PHKB: variants seen among roughly 807,000 people sequenced by gnomAD.
PHKB encodes phosphorylase kinase regulatory subunit beta.
PHKB carries 122 observed loss-of-function variants against 152.1 expected under a neutral mutation model. The ratio of observed to expected loss-of-function variants is 0.80; its 90% CI spans 0.69 to 0.93. The LOEUF is 0.93. Ranked by LOEUF, PHKB falls within the 40% of genes least tolerant of loss-of-function variation. The pLI is 0.00. For missense variants in PHKB, 1,304 were observed against 1,328.4 expected (o/e 0.98, Z 0.29); for synonymous variants, 436 against 464.9 (o/e 0.94, Z 0.80).
chr16:47,479,114 A>G (rs1257972287), intron 1 of PHKB, among the ~76,000 whole-genome samples: 1 of 152,156 alleles, frequency 6.6e-6, no homozygotes, highest in East Asian at 1.9e-4. Context: ...TCAATCATTG[A>G]CTGTCGGGGG....
intron 1 of PHKB, among the ~76,000 whole-genome samples, chr16:47,474,687 G>T (rs1969838060): frequency 6.6e-6 from 1 of 151,720 alleles, no homozygotes; most frequent in African/African-American, 2.4e-5. Context: ...ATGTCAAAAA[G>T]AATTAGCTTG....
chr16:47,575,947 A>G (rs1237845605), intron 7 of PHKB, among the ~76,000 whole-genome samples: 1 of 152,090 alleles, frequency 6.6e-6, no homozygotes, highest in African/African-American at 2.4e-5. Context: ...GTGGTGGTGC[A>G]TGCCTGTACT....
intron 26 of PHKB, among the ~76,000 whole-genome samples, chr16:47,672,190 G>T (rs1399660701): frequency 6.6e-6 from 1 of 151,948 alleles, no homozygotes; most frequent in African/African-American, 2.4e-5. Context: ...TCTTTTGATT[G>T]AAAGTAAATT....
chr16:47,661,126 C>T (rs1397104875), intron 22 of PHKB, among the ~76,000 whole-genome samples: 1 of 152,152 alleles, frequency 6.6e-6, no homozygotes, highest in Admixed American at 6.5e-5. Flanking sequence ...TTTCAGTGCC[C>T]TCTTTCTCCC....
At chr16:47,537,872 TTC>T (rs34841624) in intron 6 of PHKB, among the ~76,000 whole-genome samples, 572 of 142,420 alleles carry the variant, frequency 4.0e-3, no homozygotes, top group Middle Eastern at 7.3e-3. Context: ...ACGTGGAAAA[TTC>T]TCTCTCTCTC....
At chr16:47,642,871 A>G (rs978073781) in intron 16 of PHKB, among the ~76,000 whole-genome samples, 1 of 152,182 alleles carries the variant, frequency 6.6e-6, no homozygotes. Context: ...TCACGCCCAG[A>G]TGTACATAAT....
intron 8 of PHKB, among the ~76,000 whole-genome samples, chr16:47,583,355 A>G (rs903502077): frequency 1.3e-5 from 2 of 152,234 alleles, no homozygotes; most frequent in African/African-American, 4.8e-5. Flanking sequence ...ATCATTTTAT[A>G]ATGTCATTGT....
chr16:47,529,715 G>A (rs1226475035), intron 6 of PHKB: 1 of 152,172 alleles, frequency 6.6e-6, no homozygotes, highest in Non-Finnish European at 1.5e-5. Flanking sequence ...TCATTGGCCA[G>A]AACTTGGTCA....
At chr16:47,480,320 G>T (rs1969942408) in intron 1 of PHKB, among the ~76,000 whole-genome samples, 1 of 152,174 alleles carries the variant, frequency 6.6e-6, no homozygotes, top group South Asian at 2.1e-4. Flanking sequence ...TTGCTTAAAG[G>T]TCTTTGTGGA....
At chr16:47,549,774 G>C (rs1971239159) in intron 7 of PHKB, among the ~76,000 whole-genome samples, 1 of 152,170 alleles carries the variant, frequency 6.6e-6, no homozygotes, top group Non-Finnish European at 1.5e-5. Context: ...ACCCTAGAAA[G>C]TGAGGATGTC....
At chr16:47,666,699 G>A (rs1377408328) in intron 25 of PHKB, among the ~76,000 whole-genome samples, 1 of 152,252 alleles carries the variant, frequency 6.6e-6, no homozygotes, top group Non-Finnish European at 1.5e-5. Flanking sequence ...TCTGGGTCTT[G>A]TCCAGTACAC....
intron 7 of PHKB, among the ~76,000 whole-genome samples, chr16:47,556,844 G>T (rs968248551): frequency 1.3e-5 from 2 of 152,292 alleles, no homozygotes; most frequent in African/African-American, 4.8e-5. Context: ...AGAAGGAATG[G>T]TACCAGCTCC....
At chr16:47,465,449 A>C (rs933962678) in intron 1 of PHKB, among the ~76,000 whole-genome samples, 2 of 152,238 alleles carry the variant, frequency 1.3e-5, no homozygotes, top group African/African-American at 4.8e-5. Flanking sequence ...AGGTATATAC[A>C]AGACGCTTTT....
At chr16:47,644,720 T>TA (rs1468967981) in intron 16 of PHKB, among the ~76,000 whole-genome samples, 3 of 152,022 alleles carry the variant, frequency 2.0e-5, no homozygotes, top group Admixed American at 6.5e-5. Context: ...AGCACTAGAA[T>TA]AAAAAAATAA....
At chr16:47,603,255 T>C (rs1298418871) in intron 13 of PHKB, among the ~76,000 whole-genome samples, 1 of 152,174 alleles carries the variant, frequency 6.6e-6, no homozygotes, top group Non-Finnish European at 1.5e-5. Context: ...CAAGATAAAA[T>C]GAATAGAAAA....
At chr16:47,680,698 G>T (rs1387007072) in intron 26 of PHKB, among the ~76,000 whole-genome samples, 2 of 151,978 alleles carry the variant, frequency 1.3e-5, no homozygotes, top group Non-Finnish European at 2.9e-5. Flanking sequence ...TATCAGTTTT[G>T]TTGATCTTTT....
chr16:47,670,236 C>A (rs1973615001), intron 26 of PHKB, among the ~76,000 whole-genome samples: 1 of 152,176 alleles, frequency 6.6e-6, no homozygotes. Context: ...ATAGTGTAAT[C>A]TAACAAGTGG....
At chr16:47,590,634 A>G (rs1972012832) in intron 10 of PHKB, 1 of 150,760 alleles carries the variant, frequency 6.6e-6, no homozygotes, top group Non-Finnish European at 1.5e-5. Context: ...GCAACTAACT[A>G]CCACCTCGCA....
At chr16:47,622,625 C>G (rs1438868580) in intron 14 of PHKB, among the ~76,000 whole-genome samples, 1 of 152,132 alleles carries the variant, frequency 6.6e-6, no homozygotes, top group Admixed American at 6.5e-5. Flanking sequence ...GACACCCAAG[C>G]TTTGAATCTG....
Sources: allele counts gnomAD v4.1 joint callset (sites outside exome capture counted in the v4.1 genomes callset), GRCh38; gene constraint gnomAD v4.1.1; transcripts MANE v1.5; gene names NCBI Gene and HGNC (gene_info 2026-07-23, HGNC 2026-07-21).